The following SPIC variants were observed in gnomAD, a reference collection of about 807,000 sequenced individuals.
SPIC encodes the protein Spi-C transcription factor, also known as transcription factor Spi-C.
In SPIC, 9 loss-of-function variants were observed where a neutral mutation model predicts 16.7. The observed-to-expected ratio is 0.54, with a 90% CI of 0.33 to 0.94. The LOEUF (loss-of-function observed/expected upper bound fraction) is 0.94, where lower values mean the gene tolerates loss of function less well. Ranked by LOEUF, SPIC falls within the 40% of genes least tolerant of loss-of-function variation. The pLI, the probability that SPIC is intolerant of heterozygous loss-of-function variation, is 0.03. For missense variants in SPIC, 241 were observed against 285.8 expected (o/e 0.84, Z 1.13); for synonymous variants, 97 against 102.9 (o/e 0.94, Z 0.35).
In SPIC at chr12:101,477,615, A is replaced by G; in HGVS notation, c.61A>G (p.Arg21Gly). 1 of 1,613,560 alleles carries G rather than the reference A, an allele frequency of 6.2e-7. No homozygotes were observed. The highest frequency in any genetic ancestry group is 2.2e-5 in the East Asian group (1 of 44,878). The change falls in exon 3 of 6, where the codon AGG (arginine) becomes GGG (glycine). Residue 21 changes from arginine to glycine, a missense_variant. Coordinates refer to ENST00000551346, the MANE Select transcript of SPIC (RefSeq NM_152323.3). Reference protein sequence around the residue: ...QAFEDAFEVLRQHSTGDLQYS... With the variant: ...QAFEDAFEVLGQHSTGDLQYS... The stretch of plus-strand genomic sequence containing the variant: ...ATTTGAAGATGCTTTTGAGGTTCTG[A>G]GGCAACATTCAACTGGAGATCTTCA...
At chr12:101,483,481 T>A (rs747853620) in intron 5 of SPIC, among the ~76,000 whole-genome samples, 6 of 149,594 alleles carry the variant, frequency 4.0e-5, no homozygotes, top group Non-Finnish European at 7.4e-5. Context: ...AATTTTTATT[T>A]TATTATTTAT....
At chr12:101,484,600 G>A (rs1363181143) in intron 5 of SPIC, among the ~76,000 whole-genome samples, 2 of 150,888 alleles carry the variant, frequency 1.3e-5, no homozygotes, top group Middle Eastern at 6.9e-3. Context: ...AGTTGAGGGA[G>A]TCTCTCCGAA....
intron 4 of SPIC, among the ~76,000 whole-genome samples, chr12:101,482,526 A>G (rs1263085989): frequency 6.6e-6 from 1 of 152,120 alleles, no homozygotes; most frequent in African/African-American, 2.4e-5. Flanking sequence ...GGTACCACAG[A>G]CTTTAAGCAA....
chr12:101,481,728 GATCTCAAAC>G (rs1279356036), intron 4 of SPIC, among the ~76,000 whole-genome samples: 1 of 151,130 alleles, frequency 6.6e-6, no homozygotes, highest in Admixed American at 6.6e-5. Flanking sequence ...TGGCCAGGCT[GATCTCAAAC>G]ACCTGACCTC....
At chr12:101,479,555 T>A in intron 3 of SPIC, 27 bp from the exon 4 acceptor site, 1 of 1,580,970 alleles carries the variant, frequency 6.3e-7, no homozygotes, top group Non-Finnish European at 8.7e-7. Context: ...TTGACTTTTT[T>A]AGTTTCTTTC....
At position 101,479,666 on chromosome 12, in the gene SPIC, AGCCTGT is replaced by A; in HGVS notation, c.183_188del (p.Glu61_Val63delinsAsp). ...TGCTATGGAGTGTTGCCTACAGAGG[AGCCTGT>A]CTATAATTGGAGAACGGTAATTGTA... On this transcript the variant is annotated inframe_deletion, in exon 4 of 6. Coordinates refer to ENST00000551346, the MANE Select transcript of SPIC (RefSeq NM_152323.3). 1 of 1,613,546 alleles carries A rather than the reference AGCCTGT, an allele frequency of 6.2e-7. No individual in the cohort carries two copies. Among genetic ancestry groups the A allele is most frequent in the Non-Finnish European group, 8.5e-7 (1 of 1,179,594 alleles).
At chr12:101,486,236 C>A in intron 5 of SPIC, 108 bp from the exon 6 acceptor site, 1 of 1,092,808 alleles carries the variant, frequency 9.2e-7, no homozygotes, top group Non-Finnish European at 1.3e-6. Flanking sequence ...GGGAGAAAAA[C>A]CAGTCTCGAT....
intron 3 of SPIC, among the ~76,000 whole-genome samples, chr12:101,479,232 G>GAA (rs1873080971): frequency 9.5e-6 from 1 of 105,370 alleles, no homozygotes; most frequent in Non-Finnish European, 2.0e-5. Context: ...AGGAAAGAAA[G>GAA]AAAGAAAGAA....
intron 4 of SPIC, among the ~76,000 whole-genome samples, chr12:101,481,342 A>C (rs1485144024): frequency 6.6e-6 from 1 of 151,840 alleles, no homozygotes; most frequent in Non-Finnish European, 1.5e-5. Flanking sequence ...ATGTGCCACC[A>C]GGCCTGGGTA....
rs372092741 is a variant in SPIC at position 101,477,543 on chromosome 12, T to C, written c.4-15T>C. 2.5e-5 allele frequency: 40 copies of C among 1,611,904 alleles called. No homozygotes were observed. The highest frequency in any genetic ancestry group is 3.3e-5 in the Non-Finnish European group (39 of 1,178,140). On this transcript the variant is annotated splice_polypyrimidine_tract_variant and intron_variant, in intron 2 of 5. Transcript: ENST00000551346. Reference sequence around the variant, plus strand: ...GTAATTCGAAAACTCCAGAATTCTATCATTGTTCCAACAGACGTGTGTTGA... The same window carrying C: ...GTAATTCGAAAACTCCAGAATTCTACCATTGTTCCAACAGACGTGTGTTGA...
chr12:101,479,769 T>C, intron 4 of SPIC, 75 bp downstream of exon 4: 2 of 1,115,780 alleles, frequency 1.8e-6, no homozygotes, highest in Non-Finnish European at 1.3e-6. Context: ...ATACACTGTC[T>C]GAAACCCAGC....
rs1418048803 is a variant in SPIC, at chr12:101,479,596, C to G, written c.112C>G (p.Leu38Val). 1 of 1,612,044 alleles carries G rather than the reference C, an allele frequency of 6.2e-7. No individual in the cohort carries two copies. ...TTTAAAATTAGATTACAGAAATTACCTGGCTTTAATCAACCATCGTCCTCA... is the reference window on the plus strand; with the variant it reads ...TTTAAAATTAGATTACAGAAATTACGTGGCTTTAATCAACCATCGTCCTCA... ...LQYSPDYRNY[L>V]ALINHRPHVK... Residue 38 changes from leucine to valine, a missense_variant, in exon 4 of 6, where the codon CTG (leucine) becomes GTG (valine). Leu to Val is a conservative substitution (Grantham distance 32). Transcript: ENST00000551346.
chr12:101,484,891 A>G (rs1347075362), intron 5 of SPIC, among the ~76,000 whole-genome samples: 1 of 152,010 alleles, frequency 6.6e-6, no homozygotes, highest in Non-Finnish European at 1.5e-5. Context: ...ATAAAATAAA[A>G]TAAAATAAAA....
chr12:101,479,220 GAA>G (rs1873075471), intron 3 of SPIC, among the ~76,000 whole-genome samples: 2 of 84,764 alleles, frequency 2.4e-5, no homozygotes, highest in Admixed American at 2.4e-4. Flanking sequence ...AAGAAAGAAA[GAA>G]GGAAAGAAAG....
intron 5 of SPIC, among the ~76,000 whole-genome samples, chr12:101,485,262 G>C (rs1426976589): frequency 1.3e-5 from 2 of 152,144 alleles, no homozygotes. Flanking sequence ...AGTATTTACA[G>C]ACTAACTCAG....
At position 101,476,833 on chromosome 12, in the gene SPIC, T is replaced by C; in HGVS notation, c.-72T>C. The C allele has an allele frequency of 9.1e-7, 1 of 1,099,604 alleles. No individual in the cohort carries two copies. The highest frequency in any genetic ancestry group is 1.3e-6 in the Non-Finnish European group (1 of 793,136). The allele number at this position is 1,099,604 out of a possible 1,614,324, so 68.1% of individuals were successfully genotyped here. A position where few individuals can be genotyped will look rare whatever the true frequency, so the allele number is the denominator to read the frequency against. On this transcript the variant is annotated 5_prime_UTR_variant, in exon 2 of 6. Coordinates refer to ENST00000551346, the MANE Select transcript of SPIC (RefSeq NM_152323.3). ...TAAATATTAAACTTTTTCAGGATTG[T>C]CAACTTATTTTATTTTATTTTCTTC...
In SPIC at chr12:101,481,932, C is replaced by A. The variant is rs559313695; in HGVS notation, c.211-860C>A. Reference sequence around the variant, plus strand: ...CCTCCCAAAGTGCTGGGATTACAGGCATGAGCCACCATGCCTGGCGTACAA... The same window carrying A: ...CCTCCCAAAGTGCTGGGATTACAGGAATGAGCCACCATGCCTGGCGTACAA... On this transcript the variant is annotated intron_variant, in intron 4 of 5. Transcript: ENST00000551346. Among the ~76,000 whole-genome samples the A allele has an allele frequency of 2.5e-4, 33 of 130,598 alleles. No homozygotes were observed. In the South Asian group the frequency reaches 5.4e-3, roughly 21 times the overall value. The allele number at this position is 130,598 out of a possible 152,430, so 85.7% of individuals were successfully genotyped here.
At chr12:101,482,341 A>G (rs962420041) in intron 4 of SPIC, among the ~76,000 whole-genome samples, 1 of 151,736 alleles carries the variant, frequency 6.6e-6, no homozygotes, top group Admixed American at 6.6e-5. Context: ...AACTGTTGAG[A>G]TTACAGGCAT....
intron 4 of SPIC, 93 bp downstream of exon 4, chr12:101,479,787 C>T (rs1009924017): frequency 1.2e-6 from 1 of 803,654 alleles, no homozygotes; most frequent in Non-Finnish European, 1.9e-6. Context: ...AGCTTAAAGA[C>T]AGCATTGACT....
Sources: gnomAD v4.1 joint callset for allele counts (sites outside exome capture counted in the v4.1 genomes callset) on GRCh38, gnomAD v4.1.1 for gene constraint, MANE v1.5 for transcripts, NCBI Gene and HGNC (gene_info 2026-07-23, HGNC 2026-07-21) for gene names.